The following GTF2H1 variants were observed in gnomAD, a reference collection of about 807,000 sequenced individuals.
The protein encoded by GTF2H1 is general transcription factor IIH subunit 1.
In GTF2H1, 16 loss-of-function variants were observed where a neutral mutation model predicts 71.2. The observed-to-expected ratio is 0.22, with a 90% CI of 0.15 to 0.34. The LOEUF (loss-of-function observed/expected upper bound fraction) is 0.34. Among genes scored for constraint, GTF2H1 ranks in the 10% least tolerant of loss-of-function variants. The pLI, the probability that GTF2H1 is intolerant of heterozygous loss-of-function variation, is 1.00. For missense variants in GTF2H1, 498 were observed against 648.2 expected, an observed-to-expected ratio of 0.77 and a Z score of 2.52; for synonymous variants, 215 against 219.0, an observed-to-expected ratio of 0.98 and a Z score of 0.16.
chr11:18,349,425 G>A (rs932698334), intron 9 of GTF2H1, among the ~76,000 whole-genome samples: 1 of 152,188 alleles, frequency 6.6e-6, no homozygotes, highest in East Asian at 1.9e-4. Context: ...GCTCACACCT[G>A]TAGTCCCAGC....
chr11:18,339,485 C>T, intron 4 of GTF2H1, 79 bp from the exon 5 acceptor site: 10 of 949,430 alleles, frequency 1.1e-5, no homozygotes, highest in South Asian at 1.5e-5. Context: ...TTTTTTCCAC[C>T]TTTGTCCAGT....
chr11:18,347,223 T>A, intron 7 of GTF2H1: 1 of 169,172 alleles, frequency 5.9e-6, no homozygotes, highest in Non-Finnish European at 1.3e-5. Context: ...AAATACAAAA[T>A]ATTAGCCGGG....
chr11:18,353,566 T>A (rs1204079648), intron 11 of GTF2H1, among the ~76,000 whole-genome samples: 1 of 152,230 alleles, frequency 6.6e-6, no homozygotes, highest in Non-Finnish European at 1.5e-5. Flanking sequence ...AACTAATAAT[T>A]ACTCAAGACT....
intron 14 of GTF2H1, among the ~76,000 whole-genome samples, chr11:18,362,267 AGTGGTCCACC>A (rs986982563): frequency 7.9e-5 from 12 of 152,194 alleles, no homozygotes; most frequent in Non-Finnish European, 1.5e-4. Flanking sequence ...AAAGATAAAA[AGTGGTCCACC>A]TGTAAAGGGC....
intron 2 of GTF2H1, among the ~76,000 whole-genome samples, chr11:18,334,651 GT>G (rs1294868093): frequency 6.6e-6 from 1 of 152,170 alleles, no homozygotes; most frequent in Non-Finnish European, 1.5e-5. Context: ...CACCAGAACA[GT>G]TTCAAGTTGA....
intron 11 of GTF2H1, among the ~76,000 whole-genome samples, 160 bp from the exon 12 acceptor site, chr11:18,357,792 C>T (rs1865593307): frequency 6.6e-6 from 1 of 151,448 alleles, no homozygotes; most frequent in Non-Finnish European, 1.5e-5. Context: ...TTTCTGCCCT[C>T]AAGGAAAATA....
intron 2 of GTF2H1, 137 bp from the exon 3 acceptor site, chr11:18,335,617 C>T: frequency 1.6e-6 from 1 of 620,226 alleles, no homozygotes; most frequent in East Asian, 2.7e-5. Context: ...AGAGTGCATT[C>T]TACAAAAGCA....
At chr11:18,352,207 C>A in intron 10 of GTF2H1, 122 bp from the exon 11 acceptor site, 2 of 648,486 alleles carry the variant, frequency 3.1e-6, no homozygotes, top group Non-Finnish European at 5.6e-6. Context: ...TTATTGAAAT[C>A]TCTTTACTTA....
At chr11:18,352,046 T>C (rs1865441237) in intron 10 of GTF2H1, 77 bp downstream of exon 10, 1 of 778,602 alleles carries the variant, frequency 1.3e-6, no homozygotes, top group Non-Finnish European at 2.2e-6. Context: ...ATAGCACTCA[T>C]GTTTTAATCA....
intron 5 of GTF2H1, among the ~76,000 whole-genome samples, chr11:18,340,309 A>G (rs1346966741): frequency 2.0e-5 from 3 of 151,254 alleles, no homozygotes; most frequent in Non-Finnish European, 4.4e-5. Context: ...TTTAATTGAG[A>G]CAGAGTCTTG....
rs761216422 is a variant in GTF2H1 at position 18,365,960 on chromosome 11, C to T, written c.*91C>T. 5 of 813,424 alleles carry T rather than the reference C, an allele frequency of 6.1e-6. No individual in the cohort carries two copies. Among genetic ancestry groups the T allele is most frequent in the Non-Finnish European group, 1.0e-5 (5 of 477,818 alleles). The allele number at this position is 813,424 out of a possible 1,614,324, so 50.4% of individuals were successfully genotyped here. On this transcript the variant is annotated 3_prime_UTR_variant, in exon 15 of 15. Coordinates refer to ENST00000265963, the MANE Select transcript of GTF2H1 (RefSeq NM_005316.4). ...CCTGGCCTGACAGACAAGCAGATGA[C>T]CTCACAGGAGTGATAAGAAACATCT...
intron 7 of GTF2H1, chr11:18,347,376 A>G (rs1008549235): frequency 2.3e-6 from 1 of 427,482 alleles, no homozygotes; most frequent in Non-Finnish European, 4.1e-6. Context: ...TCAGTTTAAG[A>G]TGTATTTTGT....
intron 11 of GTF2H1, among the ~76,000 whole-genome samples, chr11:18,356,093 A>G (rs969940180): frequency 6.6e-6 from 1 of 152,124 alleles, no homozygotes; most frequent in South Asian, 2.1e-4. Flanking sequence ...GGTAGGAACC[A>G]AGATCTGGGA....
intron 14 of GTF2H1, among the ~76,000 whole-genome samples, chr11:18,361,610 G>A (rs1265212346): frequency 3.3e-5 from 5 of 152,174 alleles, no homozygotes; most frequent in Admixed American, 1.3e-4. Flanking sequence ...CAGGGGTTGC[G>A]GTGAGCCGAG....
intron 7 of GTF2H1, chr11:18,347,006 C>T (rs1865310683): frequency 6.6e-6 from 1 of 150,918 alleles, no homozygotes; most frequent in South Asian, 2.1e-4. Context: ...TCCCAGAGTG[C>T]TGGGATTACA....
intron 1 of GTF2H1, among the ~76,000 whole-genome samples, chr11:18,332,229 G>A (rs1366340756): frequency 1.3e-5 from 2 of 152,222 alleles, no homozygotes; most frequent in African/African-American, 2.4e-5. Context: ...CCATTCCTCT[G>A]GGGATGAAAA....
intron 5 of GTF2H1, 84 bp from the exon 6 acceptor site, chr11:18,341,177 T>C (rs1249933726): frequency 7.1e-6 from 7 of 988,638 alleles, no homozygotes; most frequent in Non-Finnish European, 9.2e-6. Flanking sequence ...GTCTAGATTT[T>C]GCTATTTGTA....
intron 2 of GTF2H1, among the ~76,000 whole-genome samples, 168 bp from the exon 3 acceptor site, chr11:18,335,586 G>GT (rs1243129546): frequency 2.0e-5 from 3 of 152,170 alleles, no homozygotes; most frequent in African/African-American, 7.2e-5. Context: ...GCATGCTCTG[G>GT]TTGTATGGGA....
At chr11:18,337,335 C>T (rs1015444258) in intron 3 of GTF2H1, among the ~76,000 whole-genome samples, 1 of 152,040 alleles carries the variant, frequency 6.6e-6, no homozygotes, top group African/African-American at 2.4e-5. Context: ...AATCCAGCAA[C>T]TTGGGAGGCT....
Sources: gnomAD v4.1 joint callset for allele counts (sites outside exome capture counted in the v4.1 genomes callset) on GRCh38, gnomAD v4.1.1 for gene constraint, MANE v1.5 for transcripts, NCBI Gene and HGNC (gene_info 2026-07-23, HGNC 2026-07-21) for gene names.